LRRC4C: variants seen among roughly 807,000 people sequenced by gnomAD.
LRRC4C encodes leucine rich repeat containing 4C.
A neutral mutation model predicts 33.6 loss-of-function variants in LRRC4C; 5 were observed. The observed-to-expected ratio is 0.15, with a 90% confidence interval of 0.08 to 0.31. LRRC4C has a LOEUF of 0.31. Among genes scored for constraint, LRRC4C ranks in the 10% least tolerant of loss-of-function variants. LRRC4C has a pLI of 1.00. For missense variants in LRRC4C, 560 were observed against 796.7 expected, an observed-to-expected ratio of 0.70 and a Z score of 3.58; for synonymous variants, 329 against 302.0, an observed-to-expected ratio of 1.09 and a Z score of -0.93.
intron 2 of LRRC4C, among the ~76,000 whole-genome samples, chr11:40,790,350 T>C (rs1950576165): frequency 6.6e-6 from 1 of 152,234 alleles, no homozygotes; most frequent in African/African-American, 2.4e-5. Flanking sequence ...TGATGATTTA[T>C]ATGATAACTA....
intron 3 of LRRC4C, among the ~76,000 whole-genome samples, chr11:40,378,893 T>C (rs1375117133): frequency 6.6e-6 from 1 of 152,144 alleles, no homozygotes; most frequent in African/African-American, 2.4e-5. Context: ...AGAAGTAAAA[T>C]ATATGTGTGA....
At chr11:40,330,808 C>T (rs866311845) in intron 3 of LRRC4C, among the ~76,000 whole-genome samples, 1 of 152,116 alleles carries the variant, frequency 6.6e-6, no homozygotes, top group Non-Finnish European at 1.5e-5. Context: ...AACTACAACC[C>T]AAGATAAGAT....
chr11:40,854,932 T>C (rs751789902), intron 2 of LRRC4C, among the ~76,000 whole-genome samples: 1 of 152,114 alleles, frequency 6.6e-6, no homozygotes, highest in Non-Finnish European at 1.5e-5. Flanking sequence ...TGGCCAAATA[T>C]AAAAGACACA....
chr11:41,261,056 G>T (rs914634042), intron 1 of LRRC4C, among the ~76,000 whole-genome samples: 5 of 152,004 alleles, frequency 3.3e-5, no homozygotes, highest in African/African-American at 1.2e-4. Context: ...GAAAGTTTGT[G>T]CTCCTCCAAA....
intron 2 of LRRC4C, among the ~76,000 whole-genome samples, chr11:40,863,034 G>A (rs1450273281): frequency 1.3e-5 from 2 of 152,326 alleles, no homozygotes; most frequent in South Asian, 2.1e-4. Context: ...AATAGATTCT[G>A]AGATGCAAGC....
chr11:40,800,779 A>G (rs1427191704), intron 2 of LRRC4C, among the ~76,000 whole-genome samples: 3 of 150,184 alleles, frequency 2.0e-5, no homozygotes, highest in African/African-American at 4.9e-5. Flanking sequence ...CTTTCAGAAG[A>G]AAAAAAAAGC....
intron 1 of LRRC4C, among the ~76,000 whole-genome samples, chr11:41,300,030 T>C (rs184775126): frequency 2.8e-4 from 42 of 152,238 alleles, no homozygotes; most frequent in Non-Finnish European, 5.4e-4. Flanking sequence ...GCAGCTTGTA[T>C]ATAAAGGTAG....
At chr11:40,360,521 T>A (rs747485346) in intron 3 of LRRC4C, among the ~76,000 whole-genome samples, 1 of 152,182 alleles carries the variant, frequency 6.6e-6, no homozygotes, top group Non-Finnish European at 1.5e-5. Flanking sequence ...GGGCATTGAA[T>A]AGGGACCTCA....
intron 1 of LRRC4C, among the ~76,000 whole-genome samples, chr11:41,396,378 T>A (rs1953814492): frequency 6.6e-6 from 1 of 152,018 alleles, no homozygotes; most frequent in South Asian, 2.1e-4. Flanking sequence ...AATGCTAAAT[T>A]AAAGTGCAGA....
At chr11:40,737,601 C>T (rs1439425280) in intron 2 of LRRC4C, among the ~76,000 whole-genome samples, 7 of 151,662 alleles carry the variant, frequency 4.6e-5, no homozygotes, top group East Asian at 1.9e-4. Flanking sequence ...AGCCAAATCA[C>T]GAGTGCCTCT....
chr11:41,210,030 G>A (rs764573803), intron 1 of LRRC4C, among the ~76,000 whole-genome samples: 7 of 152,126 alleles, frequency 4.6e-5, no homozygotes, highest in African/African-American at 1.4e-4. Flanking sequence ...GAGGAAGCAG[G>A]TGTCTGCAAG....
chr11:40,822,540 G>T (rs765698105), intron 2 of LRRC4C, among the ~76,000 whole-genome samples: 11 of 151,506 alleles, frequency 7.3e-5, no homozygotes, highest in Non-Finnish European at 4.4e-5. Context: ...TTTAGCTATT[G>T]AGTTGTTTGA....
At position 40,555,704 on chromosome 11, in the gene LRRC4C, A is replaced by G. The variant is rs1023741119; in HGVS notation, c.-270+92438T>C. On this transcript the variant is annotated intron_variant, in intron 3 of 6. Coordinates refer to ENST00000528697, the MANE Select transcript of LRRC4C (RefSeq NM_001258419.2). ...ACGATAGCTGATGAGCTAAAGAAAA[A>G]AGGACCGTGTATATTTTTCGTGACA... Among the ~76,000 whole-genome samples the G allele has an allele frequency of 2.0e-5, 3 of 152,188 alleles. No individual in the cohort carries two copies. In the East Asian group the frequency reaches 5.8e-4, roughly 29 times the overall value.
chr11:41,325,566 G>GTT lies in LRRC4C; in HGVS notation c.-496+133863_-496+133864dup, dbSNP rs71466927. ...ATAAGGAAAAATTATTGTCCTTATA[G>GTT]TTTTTTTTTTTTGTGTGTGTGTGTG... On this transcript the variant is annotated intron_variant, in intron 1 of 6. Coordinates refer to ENST00000528697, the MANE Select transcript of LRRC4C (RefSeq NM_001258419.2). Among the ~76,000 whole-genome samples, 724 of 106,486 alleles carry GTT rather than the reference G, an allele frequency of 6.8e-3. 27 individuals are homozygous for GTT. The highest frequency in any genetic ancestry group is 0.023 in the African/African-American group (589 of 25,552). The allele number at this position is 106,486 out of a possible 152,430, so 69.9% of individuals were successfully genotyped here.
intron 3 of LRRC4C, among the ~76,000 whole-genome samples, chr11:40,477,681 A>C (rs1469150598): frequency 6.6e-6 from 1 of 151,818 alleles, no homozygotes; most frequent in East Asian, 1.9e-4. Flanking sequence ...TGGCTCTGAG[A>C]GTTCATCTAA....
At chr11:40,155,306 AAAG>A (rs1858592279) in intron 5 of LRRC4C, among the ~76,000 whole-genome samples, 1 of 152,154 alleles carries the variant, frequency 6.6e-6, no homozygotes, top group Non-Finnish European at 1.5e-5. Flanking sequence ...GAAACTAGAA[AAAG>A]AAGAACAAAC....
chr11:40,280,647 G>A (rs1382816542), intron 4 of LRRC4C, among the ~76,000 whole-genome samples: 1 of 152,150 alleles, frequency 6.6e-6, no homozygotes, highest in Non-Finnish European at 1.5e-5. Flanking sequence ...TGCAATGCAT[G>A]CTAATCCTTC....
At chr11:40,632,716 G>A (rs1157908316) in intron 3 of LRRC4C, among the ~76,000 whole-genome samples, 4 of 151,942 alleles carry the variant, frequency 2.6e-5, no homozygotes, top group Non-Finnish European at 5.9e-5. Flanking sequence ...ACAAAGTCAG[G>A]TATTTCATCT....
At chr11:40,771,291 G>A (rs1197525235) in intron 2 of LRRC4C, among the ~76,000 whole-genome samples, 2 of 152,170 alleles carry the variant, frequency 1.3e-5, no homozygotes, top group African/African-American at 2.4e-5. Context: ...AATGGCCCAA[G>A]CTGTACTTTG....
Sources: allele counts gnomAD v4.1 joint callset (sites outside exome capture counted in the v4.1 genomes callset), GRCh38; gene constraint gnomAD v4.1.1; transcripts MANE v1.5; gene names NCBI Gene and HGNC (gene_info 2026-07-23, HGNC 2026-07-21).